The following GPHN variants were observed in gnomAD, a reference collection of about 807,000 sequenced individuals.
GPHN encodes the protein gephyrin.
GPHN carries 17 observed loss-of-function variants against 95.5 expected under a neutral mutation model. The ratio of observed to expected loss-of-function variants is 0.18; its 90% CI spans 0.12 to 0.27. GPHN has a LOEUF of 0.27. Ranked by LOEUF, GPHN falls within the 10% of genes least tolerant of loss-of-function variation. The pLI is 1.00. For synonymous variants in GPHN, 320 were observed against 322.5 expected (o/e 0.99, Z 0.08); for missense variants, 660 against 978.1 (o/e 0.67, Z 4.34).
chr14:66,745,277 ATTT>A (rs1191866385), intron 2 of GPHN, among the ~76,000 whole-genome samples: 1 of 152,092 alleles, frequency 6.6e-6, no homozygotes, highest in Non-Finnish European at 1.5e-5. Context: ...TGCTGTATCT[ATTT>A]ATATCTCTGT....
At chr14:66,871,897 A>C (rs2094445371) in intron 4 of GPHN, among the ~76,000 whole-genome samples, 1 of 152,304 alleles carries the variant, frequency 6.6e-6, no homozygotes, top group Admixed American at 6.5e-5. Flanking sequence ...CTATGTAACA[A>C]ACCTGCACAT....
chr14:66,657,628 A>T (rs1455744735), intron 1 of GPHN, among the ~76,000 whole-genome samples: 1 of 152,218 alleles, frequency 6.6e-6, no homozygotes, highest in Admixed American at 6.5e-5. Flanking sequence ...TCCCTTAAGA[A>T]TTATGCTGAA....
the GPHN span, chr14:67,660,022 C>G: frequency 1.7e-6 from 2 of 1,191,116 alleles, no homozygotes; most frequent in Non-Finnish European, 2.3e-6. Flanking sequence ...TTTATTTGGA[C>G]TACACCAAGT....
At chr14:66,892,122 C>A (rs1284119937) in intron 5 of GPHN, among the ~76,000 whole-genome samples, 1 of 152,054 alleles carries the variant, frequency 6.6e-6, no homozygotes. Flanking sequence ...GTTACATATC[C>A]AAAAGAATTG....
rs1421893686 is a variant in GPHN, at chr14:67,144,286, T to TATACATATATATATATATATATATAC, written c.1836+838_1836+839insTACATATATATATATATATATATACA. On this transcript the variant is annotated intron_variant, in intron 18 of 22. Coordinates refer to ENST00000478722, the MANE Select transcript of GPHN (RefSeq NM_020806.5). Reference sequence around the variant, plus strand: ...ATATATATATATATATATATATATATACACACACACATACACAAATATTTT... The same window carrying TATACATATATATATATATATATATAC: ...ATATATATATATATATATATATATATATACATATATATATATATATATATACACACACACACATACACAAATATTTT... Among the ~76,000 whole-genome samples the TATACATATATATATATATATATATAC allele has an allele frequency of 3.5e-4, 27 of 78,118 alleles. 3 individuals carry two copies. Among genetic ancestry groups the TATACATATATATATATATATATATAC allele is most frequent in the East Asian group, 2.9e-3 (5 of 1,730 alleles). 51.2% of individuals were successfully genotyped at this position (78,118 alleles called of 152,430 possible).
the GPHN span, chr14:67,562,137 C>A: frequency 6.2e-7 from 1 of 1,611,300 alleles, no homozygotes; most frequent in Non-Finnish European, 8.5e-7. Context: ...CGAATCACAG[C>A]TATTCAGATA....
chr14:66,949,926 A>G lies in GPHN; in HGVS notation c.829-15265A>G, dbSNP rs112847010. ...ATTTTGACTGTGTATTCTGATTTTT[A>G]TAATGTAACTCTCCATTTCTTCTTT... On this transcript the variant is annotated intron_variant, in intron 8 of 22. Transcript: ENST00000478722. 7.5e-3 allele frequency among the ~76,000 whole-genome samples: 1,123 copies of G among 149,582 alleles called. 5 individuals carry two copies. The highest frequency in any genetic ancestry group is 0.026 in the African/African-American group (1,062 of 40,724).
chr14:67,541,188 C>T, the GPHN span, among the ~76,000 whole-genome samples: 8 of 152,130 alleles, frequency 5.3e-5, no homozygotes, highest in African/African-American at 1.9e-4. Context: ...TATTTTGTTT[C>T]CATTTTTTTC....
the GPHN span, chr14:67,302,460 A>C: frequency 0.074 from 118,535 of 1,597,922 alleles, 13,629 homozygotes; most frequent in East Asian, 0.41. Context: ...GCCGGATAGT[A>C]AAAGGGGGTG....
chr14:67,361,563 A>G, the GPHN span, among the ~76,000 whole-genome samples: 2 of 152,240 alleles, frequency 1.3e-5, no homozygotes, highest in African/African-American at 2.4e-5. Context: ...ATCACATAAT[A>G]TATTTTGGAA....
At chr14:66,895,677 A>G (rs1463140161) in intron 5 of GPHN, among the ~76,000 whole-genome samples, 4 of 152,190 alleles carry the variant, frequency 2.6e-5, no homozygotes, top group Admixed American at 2.6e-4. Context: ...TTACCATTCA[A>G]GAATGGGGGA....
rs200970499 is a variant in GPHN, at chr14:66,705,531, A to C, written c.143+24346A>C. Among the ~76,000 whole-genome samples the C allele has an allele frequency of 6.6e-5, 10 of 152,330 alleles. No individual in the cohort carries two copies. In the East Asian group the frequency reaches 1.7e-3, roughly 26 times the overall value. ...TCAACATACCCAAATCAATGAATGT[A>C]ACCCATCACATAAACAGAACCAAAG... On this transcript the variant is annotated intron_variant, in intron 2 of 22. Coordinates refer to ENST00000478722, the MANE Select transcript of GPHN (RefSeq NM_020806.5).
At chr14:67,559,821 A>T in the GPHN span, 19 of 648,670 alleles carry the variant, frequency 2.9e-5, no homozygotes, top group Non-Finnish European at 4.2e-5. Context: ...CTTGTTTTGC[A>T]TTCAGCCTCC....
At chr14:66,600,220 T>C (rs934540734) in intron 1 of GPHN, among the ~76,000 whole-genome samples, 12 of 152,118 alleles carry the variant, frequency 7.9e-5, no homozygotes, top group South Asian at 4.1e-4. Context: ...AAAAATAATT[T>C]GGAAATTTTC....
the GPHN span, chr14:67,648,756 A>T: frequency 1.3e-5 from 2 of 152,222 alleles, no homozygotes; most frequent in African/African-American, 4.8e-5. Context: ...TACTTTTCCA[A>T]AACTCATACT....
chr14:66,660,509 T>C (rs980450622), intron 1 of GPHN, among the ~76,000 whole-genome samples: 2 of 152,200 alleles, frequency 1.3e-5, no homozygotes, highest in Non-Finnish European at 1.5e-5. Context: ...GTAAAAAGTT[T>C]TCTTAGTTTT....
the GPHN span, among the ~76,000 whole-genome samples, chr14:67,513,578 G>A: frequency 2.0e-5 from 3 of 152,326 alleles, no homozygotes; most frequent in African/African-American, 7.2e-5. Context: ...CAAAGCCCCT[G>A]ATGGGGGCTA....
chr14:67,448,759 C>T, the GPHN span, among the ~76,000 whole-genome samples: 1 of 152,060 alleles, frequency 6.6e-6, no homozygotes, highest in Non-Finnish European at 1.5e-5. Flanking sequence ...AGTCAGGATT[C>T]CTGACAAATC....
chr14:66,890,177 C>T (rs2064402229), intron 5 of GPHN, among the ~76,000 whole-genome samples: 2 of 152,098 alleles, frequency 1.3e-5, no homozygotes, highest in Admixed American at 6.5e-5. Flanking sequence ...TTTGGGAGGC[C>T]AAGGTGGATG....
Sources: gnomAD v4.1 joint callset for allele counts (sites outside exome capture counted in the v4.1 genomes callset) on GRCh38, gnomAD v4.1.1 for gene constraint, MANE v1.5 for transcripts, NCBI Gene and HGNC (gene_info 2026-07-23, HGNC 2026-07-21) for gene names.